Variants in LINGO2 observed in about 807,000 individuals in gnomAD.
LINGO2 encodes leucine-rich repeat and immunoglobulin-like domain-containing nogo receptor-interacting protein 2.
LINGO2 carries 14 observed loss-of-function variants against 30.6 expected under a neutral mutation model. That is an observed-to-expected ratio of 0.46 (90% CI 0.30 to 0.72). The LOEUF (loss-of-function observed/expected upper bound fraction) is 0.72. Among genes scored for constraint, LINGO2 ranks in the 30% least tolerant of loss-of-function variants. The pLI, the probability that LINGO2 is intolerant of heterozygous loss-of-function variation, is 0.07. For synonymous variants in LINGO2, 317 were observed against 288.5 expected (o/e 1.10, Z -1.00); for missense variants, 729 against 751.7 (o/e 0.97, Z 0.35).
At chr9:28,642,921 A>G (rs945268387) in intron 1 of LINGO2, among the ~76,000 whole-genome samples, 1 of 152,142 alleles carries the variant, frequency 6.6e-6, no homozygotes, top group Non-Finnish European at 1.5e-5. Flanking sequence ...ACTAATATAC[A>G]TATATATGAT....
the LINGO2 span, among the ~76,000 whole-genome samples, chr9:29,169,467 G>T: frequency 1.3e-5 from 2 of 151,484 alleles, no homozygotes; most frequent in Admixed American, 6.6e-5. Context: ...GTGGGCAAAA[G>T]ACATACACAG....
the LINGO2 span, among the ~76,000 whole-genome samples, chr9:28,967,443 C>T: frequency 1.3e-5 from 2 of 152,056 alleles, no homozygotes; most frequent in Non-Finnish European, 1.5e-5. Context: ...AGGAAATAAA[C>T]CTTGAATCAT....
intron 1 of LINGO2, among the ~76,000 whole-genome samples, chr9:28,640,532 T>A (rs1412152604): frequency 6.7e-6 from 1 of 148,458 alleles, no homozygotes; most frequent in Non-Finnish European, 1.5e-5. Context: ...TTTTTTTTAA[T>A]TGTTTTTTCT....
intron 4 of LINGO2, among the ~76,000 whole-genome samples, chr9:28,261,218 G>A (rs1389793364): frequency 6.6e-6 from 1 of 151,876 alleles, no homozygotes; most frequent in Admixed American, 6.6e-5. Context: ...AACAAGGAAA[G>A]TCCTCTATAT....
intron 5 of LINGO2, among the ~76,000 whole-genome samples, chr9:27,971,301 C>T (rs1324831873): frequency 1.3e-5 from 2 of 151,782 alleles, no homozygotes; most frequent in African/African-American, 4.8e-5. Context: ...CCATCTTTCC[C>T]TCTCACCCAA....
At chr9:28,002,319 C>T (rs1005656228) in intron 5 of LINGO2, among the ~76,000 whole-genome samples, 1 of 151,924 alleles carries the variant, frequency 6.6e-6, no homozygotes, top group African/African-American at 2.4e-5. Context: ...CAAACCCAAG[C>T]CTGTAAAATT....
At chr9:27,993,454 T>G (rs941801213) in intron 5 of LINGO2, among the ~76,000 whole-genome samples, 1 of 152,054 alleles carries the variant, frequency 6.6e-6, no homozygotes, top group Admixed American at 6.6e-5. Flanking sequence ...GGAGGATTGC[T>G]TGAGCCCAGG....
At chr9:27,963,430 C>T (rs1481197630) in intron 5 of LINGO2, among the ~76,000 whole-genome samples, 1 of 151,988 alleles carries the variant, frequency 6.6e-6, no homozygotes, top group Non-Finnish European at 1.5e-5. Context: ...TTTAAGCAAC[C>T]ATTATTTTTA....
chr9:28,917,502 G>C, the LINGO2 span, among the ~76,000 whole-genome samples: 1 of 151,806 alleles, frequency 6.6e-6, no homozygotes, highest in East Asian at 1.9e-4. Flanking sequence ...GCCCAGGCTG[G>C]AGTGCAGTTG....
At chr9:28,804,309 G>A in the LINGO2 span, among the ~76,000 whole-genome samples, 4 of 152,024 alleles carry the variant, frequency 2.6e-5, no homozygotes, top group Non-Finnish European at 5.9e-5. Context: ...GATGTCCATC[G>A]AAAGGAACAT....
At chr9:27,980,989 G>A (rs1587604475) in intron 5 of LINGO2, among the ~76,000 whole-genome samples, 1 of 152,014 alleles carries the variant, frequency 6.6e-6, no homozygotes, top group East Asian at 1.9e-4. Context: ...AGTTAGGAGA[G>A]TTGATCAATA....
intron 4 of LINGO2, among the ~76,000 whole-genome samples, chr9:28,196,097 C>A (rs968993200): frequency 2.0e-5 from 3 of 151,518 alleles, no homozygotes; most frequent in African/African-American, 7.2e-5. Flanking sequence ...AATATGCTAA[C>A]ATCCTTTTTG....
At chr9:28,095,413 A>G (rs1406827642) in intron 4 of LINGO2, among the ~76,000 whole-genome samples, 1 of 152,160 alleles carries the variant, frequency 6.6e-6, no homozygotes, top group Non-Finnish European at 1.5e-5. Flanking sequence ...CCGCATATCT[A>G]CAACTATCTG....
At chr9:29,104,992 G>T in the LINGO2 span, among the ~76,000 whole-genome samples, 2 of 152,096 alleles carry the variant, frequency 1.3e-5, no homozygotes, top group Non-Finnish European at 2.9e-5. Flanking sequence ...GAACGCAATG[G>T]GTTCTCTTTA....
At chr9:28,094,485 G>T (rs1826186160) in intron 4 of LINGO2, among the ~76,000 whole-genome samples, 1 of 151,786 alleles carries the variant, frequency 6.6e-6, no homozygotes, top group South Asian at 2.1e-4. Flanking sequence ...TATTTTGCAT[G>T]ATGAAGCAAT....
chr9:28,565,133 T>G (rs532247564), intron 1 of LINGO2, among the ~76,000 whole-genome samples: 1 of 152,286 alleles, frequency 6.6e-6, no homozygotes, highest in Non-Finnish European at 1.5e-5. Context: ...TTCTGAAATT[T>G]TTTTGAGTTT....
intron 4 of LINGO2, among the ~76,000 whole-genome samples, chr9:28,128,180 A>G (rs1235174799): frequency 6.6e-6 from 1 of 152,224 alleles, no homozygotes; most frequent in Non-Finnish European, 1.5e-5. Context: ...TTCACAGAAG[A>G]AGAAAGATCT....
At chr9:28,644,201 GA>G (rs1284218530) in intron 1 of LINGO2, among the ~76,000 whole-genome samples, 4 of 149,992 alleles carry the variant, frequency 2.7e-5, no homozygotes, top group South Asian at 2.1e-4. Context: ...ATAACCAAAA[GA>G]AAAAAAAAGG....
chr9:28,236,516 A>G (rs1821570953), intron 4 of LINGO2, among the ~76,000 whole-genome samples: 1 of 152,210 alleles, frequency 6.6e-6, no homozygotes, highest in Admixed American at 6.5e-5. Context: ...CAGTAACACA[A>G]CTTTTTGAGA....
Sources: gnomAD v4.1 joint callset for allele counts (sites outside exome capture counted in the v4.1 genomes callset) on GRCh38, gnomAD v4.1.1 for gene constraint, MANE v1.5 for transcripts, NCBI Gene and HGNC (gene_info 2026-07-23, HGNC 2026-07-21) for gene names.